Variants in TTC27 observed in about 807,000 individuals in gnomAD.
TTC27 encodes the protein tetratricopeptide repeat domain 27.
A neutral mutation model predicts 115.9 loss-of-function variants in TTC27; 79 were observed. The ratio of observed to expected loss-of-function variants is 0.68; its 90% CI spans 0.57 to 0.82. The LOEUF (loss-of-function observed/expected upper bound fraction) is 0.82. Among genes scored for constraint, TTC27 ranks in the 40% least tolerant of loss-of-function variants. TTC27 has a pLI of 0.00. For synonymous variants in TTC27, 401 were observed against 356.0 expected (o/e 1.13, Z -1.42); for missense variants, 1,054 against 993.1 (o/e 1.06, Z -0.82).
At chr2:32,747,644 G>C (rs7593327) in intron 12 of TTC27, among the ~76,000 whole-genome samples, 15,313 of 152,102 alleles carry the variant, frequency 0.1, 970 homozygotes, top group African/African-American at 0.18. Context: ...CTTTGCAATG[G>C]TTGCAGAATA....
intron 13 of TTC27, among the ~76,000 whole-genome samples, chr2:32,762,202 G>A (rs1015691115): frequency 4.6e-5 from 7 of 152,148 alleles, no homozygotes; most frequent in Admixed American, 4.6e-4. Flanking sequence ...ACTAGAATAG[G>A]CAAAGGAAGT....
chr2:32,773,180 A>G (rs1028455800), intron 13 of TTC27, among the ~76,000 whole-genome samples: 2 of 152,210 alleles, frequency 1.3e-5, no homozygotes, highest in Non-Finnish European at 2.9e-5. Context: ...TGAGACAGAA[A>G]CGCTAGACAG....
In TTC27 at chr2:32,630,520, CAG is replaced by C; in HGVS notation, c.91_92del. On this transcript the variant is annotated splice_acceptor_variant, in intron 1 of 19. Transcript: ENST00000317907. LOFTEE classifies it high-confidence loss of function. ...ATTACCGCACTAATTTTTTATATTA[CAG>C]AGAGTGGATCTTTCCTACAATTGCT... 1 of 1,595,846 alleles carries C rather than the reference CAG, an allele frequency of 6.3e-7. No individual in the cohort carries two copies. The highest frequency in any genetic ancestry group is 1.1e-5 in the South Asian group (1 of 88,786).
chr2:32,806,071 C>A (rs753233998), intron 16 of TTC27, among the ~76,000 whole-genome samples: 2 of 152,130 alleles, frequency 1.3e-5, no homozygotes, highest in African/African-American at 4.8e-5. Flanking sequence ...GTCCTGTTTC[C>A]CCAAGAGTCA....
intron 7 of TTC27, among the ~76,000 whole-genome samples, chr2:32,671,928 A>T (rs1049420745): frequency 6.6e-6 from 1 of 152,332 alleles, no homozygotes; most frequent in East Asian, 1.9e-4. Flanking sequence ...TTCATCAGTA[A>T]ATAAGGATAG....
chr2:32,820,954 A>G lies in TTC27; in HGVS notation c.*16A>G. 1.6e-6 allele frequency: 2 copies of G among 1,246,544 alleles called. No homozygotes were observed. Among genetic ancestry groups the G allele is most frequent in the South Asian group, 1.7e-5 (1 of 60,178 alleles). The allele number at this position is 1,246,544 out of a possible 1,614,324, so 77.2% of individuals were successfully genotyped here. A position where few individuals can be genotyped will look rare whatever the true frequency, so the allele number is the denominator to read the frequency against. On this transcript the variant is annotated 3_prime_UTR_variant, in exon 20 of 20. Coordinates refer to ENST00000317907, the MANE Select transcript of TTC27 (RefSeq NM_017735.5). ...TCAGTATTGATTCTGCTGGAAGCAG[A>G]TTCTGGAAAAGGTGCTTTCACCTGC...
At chr2:32,641,966 C>G (rs1409066321) in intron 4 of TTC27, among the ~76,000 whole-genome samples, 1 of 152,202 alleles carries the variant, frequency 6.6e-6, no homozygotes, top group Admixed American at 6.5e-5. Context: ...CACCATTCTC[C>G]TGCCTCAGCC....
intron 3 of TTC27, 87 bp downstream of exon 3, chr2:32,634,092 G>C: frequency 2.1e-6 from 3 of 1,413,758 alleles, no homozygotes; most frequent in Non-Finnish European, 2.8e-6. Flanking sequence ...ACTCATAGTA[G>C]GAAAGAAACA....
At chr2:32,677,879 T>A (rs1177551529) in intron 8 of TTC27, among the ~76,000 whole-genome samples, 1 of 152,232 alleles carries the variant, frequency 6.6e-6, no homozygotes, top group Non-Finnish European at 1.5e-5. Context: ...TTGGCATGAG[T>A]TTAATAAATA....
intron 12 of TTC27, among the ~76,000 whole-genome samples, chr2:32,755,566 G>T (rs1669203554): frequency 6.6e-6 from 1 of 152,110 alleles, no homozygotes; most frequent in South Asian, 2.1e-4. Flanking sequence ...ATCAGAGGGA[G>T]ACCTTGGAAA....
At chr2:32,806,088 C>T (rs1442941069) in intron 16 of TTC27, among the ~76,000 whole-genome samples, 2 of 152,200 alleles carry the variant, frequency 1.3e-5, no homozygotes, top group Non-Finnish European at 2.9e-5. Context: ...GTCATTCCAC[C>T]TCTAAAATCT....
chr2:32,674,227 T>C (rs1046547817), intron 8 of TTC27, among the ~76,000 whole-genome samples: 1 of 151,464 alleles, frequency 6.6e-6, no homozygotes, highest in Non-Finnish European at 1.5e-5. Context: ...CTCGGCTCAC[T>C]GCAACCTCCG....
At chr2:32,730,484 TG>T (rs1194754205) in intron 10 of TTC27, among the ~76,000 whole-genome samples, 6 of 152,254 alleles carry the variant, frequency 3.9e-5, no homozygotes, top group African/African-American at 1.4e-4. Context: ...GAAATAATCC[TG>T]GTCTGAAAAA....
At chr2:32,672,167 AC>A in intron 7 of TTC27, 104 bp from the exon 8 acceptor site, 2 of 736,226 alleles carry the variant, frequency 2.7e-6, no homozygotes, top group Non-Finnish European at 4.6e-6. Flanking sequence ...CATATGTCAA[AC>A]AGGTAAGTTA....
At chr2:32,716,426 C>T (rs1667753798) in intron 10 of TTC27, among the ~76,000 whole-genome samples, 1 of 152,050 alleles carries the variant, frequency 6.6e-6, no homozygotes, top group Non-Finnish European at 1.5e-5. Context: ...AAATTCTTCC[C>T]CAATTCTGAG....
chr2:32,744,722 A>C (rs964318871), intron 12 of TTC27, among the ~76,000 whole-genome samples: 2 of 152,164 alleles, frequency 1.3e-5, no homozygotes, highest in African/African-American at 4.8e-5. Context: ...TCATTTAGTA[A>C]GTAGATTTGA....
At chr2:32,691,651 T>C (rs1443449027) in intron 9 of TTC27, among the ~76,000 whole-genome samples, 1 of 152,124 alleles carries the variant, frequency 6.6e-6, no homozygotes, top group Admixed American at 6.5e-5. Flanking sequence ...AAATATCCTC[T>C]TATACACCTT....
intron 15 of TTC27, among the ~76,000 whole-genome samples, chr2:32,783,834 A>C (rs1303347019): frequency 6.6e-6 from 1 of 152,208 alleles, no homozygotes; most frequent in Non-Finnish European, 1.5e-5. Context: ...AACTCTAATA[A>C]ATTAAAGGAT....
In TTC27 at chr2:32,734,564, G is replaced by A. The variant is rs545256691; in HGVS notation, c.1329+641G>A. Among the ~76,000 whole-genome samples, 6 of 152,270 alleles carry A rather than the reference G, an allele frequency of 3.9e-5. No homozygotes were observed. The South Asian group carries it at 1.2e-3, about 32-fold the overall frequency. On this transcript the variant is annotated intron_variant, in intron 11 of 19. Transcript: ENST00000317907. Reference sequence around the variant, plus strand: ...ACTGTAGCTCCTAATGGCACATGGTGGGGTGGGGATTCTGGCCCCTTGTCT... The same window carrying A: ...ACTGTAGCTCCTAATGGCACATGGTAGGGTGGGGATTCTGGCCCCTTGTCT...
Sources: gnomAD v4.1 joint callset for allele counts (sites outside exome capture counted in the v4.1 genomes callset) on GRCh38, gnomAD v4.1.1 for gene constraint, MANE v1.5 for transcripts, NCBI Gene and HGNC (gene_info 2026-07-23, HGNC 2026-07-21) for gene names.